The following PRKCA variants were observed in gnomAD, a reference collection of about 807,000 sequenced individuals.
The protein encoded by PRKCA is protein kinase C alpha type.
In PRKCA, 27 loss-of-function variants were observed where a neutral mutation model predicts 87.0. The ratio of observed to expected loss-of-function variants is 0.31; its 90% CI spans 0.23 to 0.43. PRKCA has a LOEUF of 0.43. Among genes scored for constraint, PRKCA ranks in the 20% least tolerant of loss-of-function variants. The pLI, the probability that PRKCA is intolerant of heterozygous loss-of-function variation, is 1.00. For synonymous variants in PRKCA, 329 were observed against 311.1 expected (o/e 1.06, Z -0.61); for missense variants, 518 against 852.3 (o/e 0.61, Z 4.88).
chr17:66,532,708 G>A (rs1440766863), intron 3 of PRKCA, among the ~76,000 whole-genome samples: 1 of 152,098 alleles, frequency 6.6e-6, no homozygotes, highest in African/African-American at 2.4e-5. Context: ...TTTGCATGGG[G>A]TAAAACCCTA....
chr17:66,589,088 G>C (rs1348348408), intron 3 of PRKCA, among the ~76,000 whole-genome samples: 1 of 152,050 alleles, frequency 6.6e-6, no homozygotes, highest in East Asian at 1.9e-4. Context: ...TGAACGTGAA[G>C]TCTGCCCACT....
chr17:66,428,124 C>T (rs1339170663), intron 2 of PRKCA, among the ~76,000 whole-genome samples: 4 of 152,148 alleles, frequency 2.6e-5, no homozygotes, highest in Admixed American at 6.5e-5. Context: ...AGTAATTGCC[C>T]GACTCACGTG....
chr17:66,427,950 C>T (rs909584103), intron 2 of PRKCA, among the ~76,000 whole-genome samples: 2 of 152,152 alleles, frequency 1.3e-5, no homozygotes, highest in South Asian at 2.1e-4. Flanking sequence ...AAATGCATCC[C>T]ATGTAACTTG....
At chr17:66,336,950 A>G (rs1276523187) in intron 2 of PRKCA, among the ~76,000 whole-genome samples, 1 of 151,870 alleles carries the variant, frequency 6.6e-6, no homozygotes, top group Non-Finnish European at 1.5e-5. Context: ...CACCACGTCC[A>G]GCTAATTTTT....
chr17:66,515,787 C>T (rs1036628101), intron 3 of PRKCA, among the ~76,000 whole-genome samples: 2 of 152,170 alleles, frequency 1.3e-5, no homozygotes, highest in East Asian at 1.9e-4. Flanking sequence ...TGAAGCAATC[C>T]GCCCACCTCG....
intron 2 of PRKCA, among the ~76,000 whole-genome samples, chr17:66,351,462 T>A (rs1023564945): frequency 1.3e-5 from 2 of 152,148 alleles, no homozygotes; most frequent in Non-Finnish European, 2.9e-5. Flanking sequence ...TCACCCAAGG[T>A]TTTTAGATTC....
chr17:66,624,290 GA>G (rs1970779435), intron 3 of PRKCA, among the ~76,000 whole-genome samples: 1 of 151,948 alleles, frequency 6.6e-6, no homozygotes, highest in Non-Finnish European at 1.5e-5. Context: ...GCCAGTTCAA[GA>G]GACATTGCCA....
chr17:66,338,081 C>A (rs1335740748), intron 2 of PRKCA, among the ~76,000 whole-genome samples: 5 of 149,588 alleles, frequency 3.3e-5, no homozygotes, highest in Non-Finnish European at 7.4e-5. Context: ...CGGTGAATTC[C>A]TCTAGCGGTT....
intron 3 of PRKCA, among the ~76,000 whole-genome samples, chr17:66,613,621 C>T (rs569087518): frequency 6.6e-6 from 1 of 152,050 alleles, no homozygotes; most frequent in African/African-American, 2.4e-5. Flanking sequence ...CCCAGCAACC[C>T]CTGTGTTCCC....
At chr17:66,484,955 T>C (rs1231017320) in intron 2 of PRKCA, among the ~76,000 whole-genome samples, 1 of 151,844 alleles carries the variant, frequency 6.6e-6, no homozygotes, top group East Asian at 1.9e-4. Context: ...GCTTTTACAT[T>C]GTAATGAATT....
chr17:66,344,229 T>C (rs1485877841), intron 2 of PRKCA, among the ~76,000 whole-genome samples: 1 of 152,252 alleles, frequency 6.6e-6, no homozygotes, highest in Non-Finnish European at 1.5e-5. Flanking sequence ...TTTCCCAGCA[T>C]GGTCTTTTCT....
chr17:66,474,356 G>A (rs534232769), intron 2 of PRKCA, among the ~76,000 whole-genome samples: 20 of 152,300 alleles, frequency 1.3e-4, no homozygotes, highest in Admixed American at 6.5e-4. Flanking sequence ...TGGCTAAGGA[G>A]CTCTCCTGCC....
At chr17:66,459,461 A>G (rs1443385935) in intron 2 of PRKCA, among the ~76,000 whole-genome samples, 1 of 152,250 alleles carries the variant, frequency 6.6e-6, no homozygotes, top group Non-Finnish European at 1.5e-5. Context: ...AAAAAAGTAT[A>G]TAGTAGAATC....
chr17:66,409,040 A>G (rs1435627344), intron 2 of PRKCA, among the ~76,000 whole-genome samples: 1 of 151,046 alleles, frequency 6.6e-6, no homozygotes, highest in Non-Finnish European at 1.5e-5. Context: ...TCTCAAAAAA[A>G]AAAAAAAAAA....
intron 3 of PRKCA, among the ~76,000 whole-genome samples, chr17:66,588,144 T>C (rs1430618310): frequency 1.3e-5 from 2 of 152,046 alleles, no homozygotes; most frequent in African/African-American, 4.8e-5. Context: ...TTTTATCAGG[T>C]TGACCAAAAA....
At chr17:66,503,721 A>G (rs1456724232) in intron 3 of PRKCA, among the ~76,000 whole-genome samples, 3 of 152,124 alleles carry the variant, frequency 2.0e-5, no homozygotes, top group African/African-American at 7.2e-5. Context: ...TGTCTTAGAA[A>G]CCGATCAGAT....
chr17:66,656,211 T>C (rs1971730488), intron 5 of PRKCA, among the ~76,000 whole-genome samples: 2 of 152,216 alleles, frequency 1.3e-5, no homozygotes, highest in Admixed American at 1.3e-4. Context: ...ATGCTCATGG[T>C]GACATAGTTT....
At chr17:66,541,593 A>C (rs184597213) in intron 3 of PRKCA, among the ~76,000 whole-genome samples, 20 of 152,322 alleles carry the variant, frequency 1.3e-4, no homozygotes, top group Admixed American at 3.9e-4. Context: ...GCAGGCAGGA[A>C]TTGCACGTGC....
At chr17:66,500,605 T>C (rs1452242867) in intron 3 of PRKCA, among the ~76,000 whole-genome samples, 1 of 152,186 alleles carries the variant, frequency 6.6e-6, no homozygotes, top group African/African-American at 2.4e-5. Flanking sequence ...ATCTCTTGAG[T>C]ATCCAGTGGG....
Sources: allele counts gnomAD v4.1 joint callset (sites outside exome capture counted in the v4.1 genomes callset), GRCh38; gene constraint gnomAD v4.1.1; transcripts MANE v1.5; gene names NCBI Gene and HGNC (gene_info 2026-07-23, HGNC 2026-07-21).